TCF23: variants seen among roughly 807,000 people sequenced by gnomAD.
TCF23 encodes the protein class A basic helix-loop-helix protein 24.
In TCF23, 7 loss-of-function variants were observed where a neutral mutation model predicts 13.0. The ratio of observed to expected loss-of-function variants is 0.54; its 90% CI spans 0.31 to 1.01. The LOEUF (loss-of-function observed/expected upper bound fraction) is 1.01, where lower values mean the gene tolerates loss of function less well. TCF23 is among the 50% of genes least tolerant of loss of function. The pLI is 0.06. For missense variants in TCF23, 257 were observed against 289.8 expected (o/e 0.89, Z 0.82); for synonymous variants, 122 against 119.5 (o/e 1.02, Z -0.14).
chr2:27,149,093 C>T lies in TCF23; in HGVS notation c.-41C>T, dbSNP rs1393882753. 28 of 1,535,150 alleles carry T rather than the reference C, an allele frequency of 1.8e-5. No individual in the cohort carries two copies. Among genetic ancestry groups the T allele is most frequent in the Non-Finnish European group, 2.4e-5 (27 of 1,136,418 alleles). On this transcript the variant is annotated 5_prime_UTR_variant, in exon 1 of 3. Transcript: ENST00000296096. ...CTTGAGTCCAAGGCCTCCTCAGGCA[C>T]TGTGTTTCTGCTCTGTGGGCTGCAG...
intron 1 of TCF23, 113 bp downstream of exon 1, chr2:27,149,468 G>C: frequency 9.4e-7 from 1 of 1,059,362 alleles, no homozygotes; most frequent in Non-Finnish European, 1.4e-6. Flanking sequence ...CTGCCCAAGA[G>C]AGGGGACACT....
Position 27,150,061 on chromosome 2 carries a change from T to C in TCF23, c.223-62T>C, listed in dbSNP as rs200666003. Reference sequence around the variant, plus strand: ...GGTGGGAGACCTTGTGCTCAAACGCTCTCAGAAGTCAGGGCAGTTGGGAGT... The same window carrying C: ...GGTGGGAGACCTTGTGCTCAAACGCCCTCAGAAGTCAGGGCAGTTGGGAGT... On this transcript the variant is annotated intron_variant, in intron 1 of 2. Transcript: ENST00000296096. This position sits in a 1 kb window ranked among gnomAD's most constrained non-coding sequence, Gnocchi z 4.1. 4 of 1,557,318 alleles carry C rather than the reference T, an allele frequency of 2.6e-6. No homozygotes were observed. Among genetic ancestry groups the C allele is most frequent in the South Asian group, 1.2e-5 (1 of 85,362 alleles).
rs1672784503 is a variant in TCF23 at position 27,153,059 on chromosome 2, C to T, written c.*192C>T. On this transcript the variant is annotated 3_prime_UTR_variant, in exon 3 of 3. Coordinates refer to ENST00000296096, the MANE Select transcript of TCF23 (RefSeq NM_175769.3). Reference sequence around the variant, plus strand: ...AGGGGCACAGGTTGGAGAGCCTCCTCCTTGGTCCCCAGGAGGGGACTTCCC... The same window carrying T: ...AGGGGCACAGGTTGGAGAGCCTCCTTCTTGGTCCCCAGGAGGGGACTTCCC... 1 of 1,324,896 alleles carries T rather than the reference C, an allele frequency of 7.5e-7. No individual in the cohort carries two copies. The highest frequency in any genetic ancestry group is 2.0e-5 in the South Asian group (1 of 49,884). The allele number at this position is 1,324,896 out of a possible 1,614,324, so 82.1% of individuals were successfully genotyped here.
At position 27,155,793 on chromosome 2, in the gene TCF23, G is replaced by A. The variant is rs75643667; in HGVS notation, c.*2926G>A. On this transcript the variant is annotated 3_prime_UTR_variant, in exon 3 of 3. Transcript: ENST00000296096. ...AAGAAAAGAAATAAAAGAAAATATG[G>A]ATGAAAACATTTGAGCATGGATGAC... 5.8e-3 allele frequency: 883 copies of A among 152,354 alleles called. 10 individuals carry two copies. Among genetic ancestry groups the A allele is most frequent in the African/African-American group, 0.02 (836 of 41,532 alleles). 9.4% of individuals were successfully genotyped at this position (152,354 alleles called of 1,614,324 possible). A position where few individuals can be genotyped will look rare whatever the true frequency, so the allele number is the denominator to read the frequency against.
chr2:27,154,070 T>A lies in TCF23; in HGVS notation c.*1203T>A, dbSNP rs1191099761. On this transcript the variant is annotated 3_prime_UTR_variant, in exon 3 of 3. Transcript: ENST00000296096. Reference sequence around the variant, plus strand: ...GGAGTTATTTCTATAGTCTATTAGCTCCCTAGGGCCGGCTCCGCCTCATGG... The same window carrying A: ...GGAGTTATTTCTATAGTCTATTAGCACCCTAGGGCCGGCTCCGCCTCATGG... 6.6e-6 allele frequency: 1 copy of A among 152,190 alleles called. No homozygotes were observed. The highest frequency in any genetic ancestry group is 1.5e-5 in the Non-Finnish European group (1 of 68,032). 9.4% of individuals were successfully genotyped at this position (152,190 alleles called of 1,614,324 possible). A position where few individuals can be genotyped will look rare whatever the true frequency, so the allele number is the denominator to read the frequency against.
chr2:27,154,696 T>C lies in TCF23; in HGVS notation c.*1829T>C. The stretch of plus-strand genomic sequence containing the variant: ...GGACCCTGAAGAGCTTGTGCAGAGC[T>C]GATGTGGGCAGCTGGACAGGGCCAG... On this transcript the variant is annotated 3_prime_UTR_variant, in exon 3 of 3. Coordinates refer to ENST00000296096, the MANE Select transcript of TCF23 (RefSeq NM_175769.3). 6.5e-6 allele frequency: 1 copy of C among 152,798 alleles called. No homozygotes were observed. The highest frequency in any genetic ancestry group is 1.5e-5 in the Non-Finnish European group (1 of 68,410). 9.5% of individuals were successfully genotyped at this position (152,798 alleles called of 1,614,324 possible).
rs1038140251 is a variant in TCF23 at position 27,154,841 on chromosome 2, A to G, written c.*1974A>G. ...CAGCAGTATCTTCCTGGTTGAGTTCACGGGAGTGCTAGGAAGAGAAGCAGA... is the reference window on the plus strand; with the variant it reads ...CAGCAGTATCTTCCTGGTTGAGTTCGCGGGAGTGCTAGGAAGAGAAGCAGA... On this transcript the variant is annotated 3_prime_UTR_variant, in exon 3 of 3. Coordinates refer to ENST00000296096, the MANE Select transcript of TCF23 (RefSeq NM_175769.3). 6.6e-6 allele frequency: 1 copy of G among 152,306 alleles called. No homozygotes were observed. Among genetic ancestry groups the G allele is most frequent in the Non-Finnish European group, 1.5e-5 (1 of 68,102 alleles). 9.4% of individuals were successfully genotyped at this position (152,306 alleles called of 1,614,324 possible).
intron 1 of TCF23, 68 bp downstream of exon 1, chr2:27,149,423 C>T: frequency 2.1e-6 from 3 of 1,420,164 alleles, no homozygotes; most frequent in Non-Finnish European, 2.9e-6. Flanking sequence ...GAGATGTCAC[C>T]TCTGATGGTA....
rs1365983324 is a variant in TCF23 at position 27,153,972 on chromosome 2, T to G, written c.*1105T>G. On this transcript the variant is annotated 3_prime_UTR_variant, in exon 3 of 3. Coordinates refer to ENST00000296096, the MANE Select transcript of TCF23 (RefSeq NM_175769.3). ...AACCTGCCCTCAAGCAAAAACAAGATAGGCCTGCCTTCAACTGCTCAACCA... is the reference window on the plus strand; with the variant it reads ...AACCTGCCCTCAAGCAAAAACAAGAGAGGCCTGCCTTCAACTGCTCAACCA... The G allele has an allele frequency of 6.6e-6, 1 of 152,252 alleles. No individual in the cohort carries two copies. The highest frequency in any genetic ancestry group is 1.5e-5 in the Non-Finnish European group (1 of 68,058). 9.4% of individuals were successfully genotyped at this position (152,252 alleles called of 1,614,324 possible).
rs775507415 is a variant in TCF23 at position 27,149,221 on chromosome 2, G to A, written c.88G>A (p.Ala30Thr). 2.6e-4 allele frequency: 399 copies of A among 1,560,622 alleles called. No homozygotes were observed. The highest frequency in any genetic ancestry group is 5.6e-4 in the Admixed American group (29 of 51,834). Reference sequence around the variant, plus strand: ...GGCCAAAGCACGGTTGCTGCCAGGCGCTGACAGGAAGAGGAGCCGCCTCAG... The same window carrying A: ...GGCCAAAGCACGGTTGCTGCCAGGCACTGACAGGAAGAGGAGCCGCCTCAG... ...TQAKARLLPG[A>T]DRKRSRLSRT... The change falls in exon 1 of 3, where the codon GCT (alanine) becomes ACT (threonine). Residue 30 changes from alanine to threonine, a missense_variant. By Grantham distance (58) the Ala-to-Thr change is moderately conservative (BLOSUM62 0). Coordinates refer to ENST00000296096, the MANE Select transcript of TCF23 (RefSeq NM_175769.3).
In TCF23 at chr2:27,154,783, G is replaced by A. The variant is rs1184160351; in HGVS notation, c.*1916G>A. On this transcript the variant is annotated 3_prime_UTR_variant, in exon 3 of 3. Transcript: ENST00000296096. Reference sequence around the variant, plus strand: ...CAGTGTTCTTCACAAGACCATAAAAGTCCAGCTAGAATGTACTATTTTTAA... The same window carrying A: ...CAGTGTTCTTCACAAGACCATAAAAATCCAGCTAGAATGTACTATTTTTAA... 6.6e-6 allele frequency: 1 copy of A among 152,424 alleles called. No homozygotes were observed. The highest frequency in any genetic ancestry group is 2.4e-5 in the African/African-American group (1 of 41,464). 9.4% of individuals were successfully genotyped at this position (152,424 alleles called of 1,614,324 possible). A position where few individuals can be genotyped will look rare whatever the true frequency, so the allele number is the denominator to read the frequency against.
At chr2:27,149,781 C>T (rs1267859609) in intron 1 of TCF23, 1 of 633,106 alleles carries the variant, frequency 1.6e-6, no homozygotes, top group African/African-American at 1.8e-5. Flanking sequence ...CTGAACTCCC[C>T]CTGGCCCCAG....
chr2:27,152,582 T>G (rs1572359830), intron 2 of TCF23, 106 bp from the exon 3 acceptor site: 1 of 1,300,730 alleles, frequency 7.7e-7, no homozygotes, highest in Non-Finnish European at 1.1e-6. Context: ...CTGGGGAAGG[T>G]GTCAGGGAGG....
chr2:27,152,726 G>A lies in TCF23; in HGVS notation c.504G>A (p.Leu168=). 6.2e-7 allele frequency: 1 copy of A among 1,614,120 alleles called. No homozygotes were observed. The highest frequency in any genetic ancestry group is 8.5e-7 in the Non-Finnish European group (1 of 1,180,010). The change falls in exon 3 of 3, where the codon CTG becomes CTA. Residue 168 remains leucine (L), a synonymous_variant. Coordinates refer to ENST00000296096, the MANE Select transcript of TCF23 (RefSeq NM_175769.3). ...GATCTCGTCTCTATGCTGGAGGCCT[G>A]GGGTACTCCGATCTTGACTCCACCA... ...PMRSRLYAGG[L]GYSDLDSTTA...
rs1344673905 is a variant in TCF23, at chr2:27,149,310, C to A, written c.177C>A (p.Thr59=). 1.0e-5 allele frequency: 16 copies of A among 1,594,742 alleles called. No homozygotes were observed. The highest frequency in any genetic ancestry group is 2.3e-5 in the East Asian group (1 of 44,114). ...SWSNQRWSRA[T]PGPRGTRAGG... is the part of the protein sequence containing the mutation. ...GCAACCAGAGATGGAGCAGAGCTAC[C>A]CCTGGCCCTCGAGGGACCAGGGCTG... The change falls in exon 1 of 3, where the codon ACC becomes ACA. Residue 59 remains threonine (T), a synonymous_variant. Coordinates refer to ENST00000296096, the MANE Select transcript of TCF23 (RefSeq NM_175769.3).
rs1280436069 is a variant in TCF23, at chr2:27,149,580, T to A, written c.222+225T>A. 2.1e-5 allele frequency: 14 copies of A among 654,012 alleles called. No individual in the cohort carries two copies. The East Asian group carries it at 4.0e-4, about 19-fold the overall frequency. The allele number at this position is 654,012 out of a possible 1,614,324, so 40.5% of individuals were successfully genotyped here. ...AGAGAGCTGCACTAACTCACTTCTCTTGAGGAAACTGAGGCCGGGAAGAGG... is the reference window on the plus strand; with the variant it reads ...AGAGAGCTGCACTAACTCACTTCTCATGAGGAAACTGAGGCCGGGAAGAGG... On this transcript the variant is annotated intron_variant, in intron 1 of 2. Coordinates refer to ENST00000296096, the MANE Select transcript of TCF23 (RefSeq NM_175769.3).
Position 27,150,258 on chromosome 2 carries a change from C to T in TCF23, c.358C>T (p.Leu120Phe). 1.9e-6 allele frequency: 3 copies of T among 1,613,754 alleles called. No individual in the cohort carries two copies. The highest frequency in any genetic ancestry group is 2.5e-6 in the Non-Finnish European group (3 of 1,179,976). ...TKLSKLDVLVLAASYIAHLTR... is the reference protein window; with the variant it reads ...TKLSKLDVLVFAASYIAHLTR... ...GCTCTCCAAGTTGGACGTGCTGGTGCTCGCCGCCAGCTACATAGCCCACCT... is the reference window on the plus strand; with the variant it reads ...GCTCTCCAAGTTGGACGTGCTGGTGTTCGCCGCCAGCTACATAGCCCACCT... Residue 120 changes from leucine to phenylalanine, a missense_variant, in exon 2 of 3, where the codon CTC becomes TTC. Leu to Phe is a conservative substitution (Grantham distance 22, BLOSUM62 0). Coordinates refer to ENST00000296096, the MANE Select transcript of TCF23 (RefSeq NM_175769.3). This position sits in a 1 kb window ranked among gnomAD's most constrained non-coding sequence, Gnocchi z 4.1.
Position 27,153,069 on chromosome 2 carries a change from C to CTCCTGGGGACCA in TCF23, c.*202_*203insTCCTGGGGACCA. Reference sequence around the variant, plus strand: ...GTTGGAGAGCCTCCTCCTTGGTCCCCAGGAGGGGACTTCCCCATGGCTCTT... The same window carrying CTCCTGGGGACCA: ...GTTGGAGAGCCTCCTCCTTGGTCCCCTCCTGGGGACCAAGGAGGGGACTTCCCCATGGCTCTT... On this transcript the variant is annotated 3_prime_UTR_variant, in exon 3 of 3. Coordinates refer to ENST00000296096, the MANE Select transcript of TCF23 (RefSeq NM_175769.3). The CTCCTGGGGACCA allele has an allele frequency of 2.4e-6, 3 of 1,232,526 alleles. No homozygotes were observed. The highest frequency in any genetic ancestry group is 3.2e-6 in the Non-Finnish European group (3 of 947,038). 76.3% of individuals were successfully genotyped at this position (1,232,526 alleles called of 1,614,324 possible).
At chr2:27,149,639 C>T (rs767241429) in intron 1 of TCF23, 3 of 625,804 alleles carry the variant, frequency 4.8e-6, no homozygotes, top group Non-Finnish European at 9.1e-6. Flanking sequence ...GAGCAGCAGC[C>T]AGTGGTAGGA....
Sources: allele counts gnomAD v4.1 joint callset, GRCh38; gene constraint gnomAD v4.1.1; non-coding constraint Gnocchi (gnomAD v3.1); transcripts MANE v1.5; gene names NCBI Gene and HGNC (gene_info 2026-07-23, HGNC 2026-07-21).